Variants in GPC5 observed in about 807,000 individuals in gnomAD.
The protein encoded by GPC5 is glypican 5.
GPC5 carries 47 observed loss-of-function variants against 53.9 expected under a neutral mutation model. The observed-to-expected ratio is 0.87, with a 90% CI of 0.69 to 1.11. The LOEUF is 1.11. Ranked by LOEUF, GPC5 falls within the 50% of genes most tolerant of loss-of-function variation. GPC5 has a pLI of 0.00. For synonymous variants in GPC5, 286 were observed against 263.3 expected, an observed-to-expected ratio of 1.09 and a Z score of -0.84; for missense variants, 748 against 713.1, an observed-to-expected ratio of 1.05 and a Z score of -0.56.
intron 5 of GPC5, among the ~76,000 whole-genome samples, chr13:91,832,177 C>G (rs749743466): frequency 6.6e-6 from 1 of 151,866 alleles, no homozygotes; most frequent in Non-Finnish European, 1.5e-5. Flanking sequence ...GGATAGTTAG[C>G]TCTTCTTGTT....
rs531734191 is a variant in GPC5, at chr13:92,750,909, C to G, written c.1562-115373C>G. Among the ~76,000 whole-genome samples the G allele has an allele frequency of 1.1e-4, 17 of 152,214 alleles. No homozygotes were observed. In the South Asian group the frequency reaches 3.5e-3, roughly 32 times the overall value. ...CTTCAACAGTGCTATATCCATAACA[C>G]TCCCACACTAAAAGCATTTCTATAG... On this transcript the variant is annotated intron_variant, in intron 7 of 7. Transcript: ENST00000377067.
intron 5 of GPC5, among the ~76,000 whole-genome samples, chr13:91,880,163 C>G (rs760717156): frequency 6.6e-6 from 1 of 151,754 alleles, no homozygotes; most frequent in Non-Finnish European, 1.5e-5. Context: ...ATACATGCAA[C>G]CTATTTAACA....
At chr13:92,657,085 TA>T (rs974622787) in intron 7 of GPC5, among the ~76,000 whole-genome samples, 1 of 152,216 alleles carries the variant, frequency 6.6e-6, no homozygotes, top group Non-Finnish European at 1.5e-5. Context: ...AAGTAAATTT[TA>T]AAAATTAACA....
At chr13:92,080,791 A>G (rs1432329499) in intron 6 of GPC5, among the ~76,000 whole-genome samples, 2 of 152,342 alleles carry the variant, frequency 1.3e-5, no homozygotes, top group East Asian at 1.9e-4. Flanking sequence ...TATAAAATAC[A>G]AAGAAGTTTC....
chr13:92,357,625 C>A (rs2043533095), intron 7 of GPC5, among the ~76,000 whole-genome samples: 1 of 151,590 alleles, frequency 6.6e-6, no homozygotes, highest in Non-Finnish European at 1.5e-5. Context: ...TTAATTAGCT[C>A]ATGGTTCTGA....
At chr13:92,699,265 G>A (rs754655191) in intron 7 of GPC5, among the ~76,000 whole-genome samples, 2 of 152,094 alleles carry the variant, frequency 1.3e-5, no homozygotes, top group Non-Finnish European at 2.9e-5. Flanking sequence ...TGTTGGATTG[G>A]TGTTGATATC....
intron 7 of GPC5, among the ~76,000 whole-genome samples, chr13:92,205,528 C>T (rs181300577): frequency 9.2e-5 from 14 of 152,274 alleles, no homozygotes; most frequent in African/African-American, 2.6e-4. Flanking sequence ...AGGTTACTTT[C>T]TAGAAAGCGG....
intron 4 of GPC5, among the ~76,000 whole-genome samples, chr13:91,735,375 A>G (rs550968607): frequency 6.6e-6 from 1 of 151,118 alleles, no homozygotes; most frequent in South Asian, 2.1e-4. Context: ...CCTCACACTC[A>G]TTCTAAGTTC....
chr13:91,575,683 A>G (rs1224449290), intron 2 of GPC5, among the ~76,000 whole-genome samples: 1 of 152,134 alleles, frequency 6.6e-6, no homozygotes, highest in Non-Finnish European at 1.5e-5. Flanking sequence ...AAATTTCTTT[A>G]AAACTTTTTT....
intron 6 of GPC5, among the ~76,000 whole-genome samples, chr13:91,921,494 G>T (rs2139017737): frequency 6.6e-6 from 1 of 152,244 alleles, no homozygotes; most frequent in East Asian, 1.9e-4. Flanking sequence ...TACTTAGAAA[G>T]ATGTGACAGA....
chr13:91,868,229 A>T (rs2039105275), intron 5 of GPC5, among the ~76,000 whole-genome samples: 1 of 152,192 alleles, frequency 6.6e-6, no homozygotes, highest in South Asian at 2.1e-4. Flanking sequence ...CCTTTAGTGA[A>T]GAATTTAGGA....
chr13:91,960,558 C>G (rs993138812), intron 6 of GPC5, among the ~76,000 whole-genome samples: 2 of 151,826 alleles, frequency 1.3e-5, no homozygotes, highest in African/African-American at 4.8e-5. Flanking sequence ...AATAGAAAAA[C>G]AACTCTAAAA....
intron 6 of GPC5, among the ~76,000 whole-genome samples, chr13:92,099,657 A>G (rs753479449): frequency 2.7e-4 from 41 of 152,308 alleles, no homozygotes; most frequent in Admixed American, 2.6e-4. Flanking sequence ...ATAGATGAAT[A>G]TAGTATCAAC....
intron 7 of GPC5, chr13:92,484,654 C>T (rs1395146548): frequency 6.6e-6 from 1 of 152,136 alleles, no homozygotes; most frequent in Non-Finnish European, 1.5e-5. Flanking sequence ...TGATAAAAGG[C>T]TACTCTCTTT....
At chr13:92,675,837 G>A (rs1237248084) in intron 7 of GPC5, among the ~76,000 whole-genome samples, 1 of 152,014 alleles carries the variant, frequency 6.6e-6, no homozygotes, top group African/African-American at 2.4e-5. Context: ...AGGTGCTTCT[G>A]GAACTGTCCT....
rs144683011 is a variant in GPC5 at position 91,693,344 on chromosome 13, A to G, written c.483A>G (p.Glu161=). ...TTGGTGCGGATGTTAATCCTGAAGA[A>G]TTTGTAAACAGATTTTTTGACAGTC... The part of the protein sequence containing the change: ...YLFGADVNPE[E]FVNRFFDSLF... Residue 161 remains glutamate (E), a synonymous_variant, in exon 3 of 8, where the codon GAA becomes GAG. Coordinates refer to ENST00000377067, the MANE Select transcript of GPC5 (RefSeq NM_004466.6). 1,069 of 1,614,132 alleles carry G rather than the reference A, an allele frequency of 6.6e-4. 12 individuals carry two copies. In the African/African-American group the frequency reaches 0.013, roughly 19 times the overall value.
At chr13:92,336,880 GGT>G in intron 7 of GPC5, among the ~76,000 whole-genome samples, 1 of 152,136 alleles carries the variant, frequency 6.6e-6, no homozygotes, top group Non-Finnish European at 1.5e-5. Flanking sequence ...CACCCAGACT[GGT>G]CTTGAGCTCC....
intron 6 of GPC5, among the ~76,000 whole-genome samples, chr13:91,941,317 G>T (rs1394564925): frequency 3.3e-5 from 5 of 152,020 alleles, no homozygotes; most frequent in Non-Finnish European, 7.4e-5. Context: ...GCTTAGGATT[G>T]CTTTGGCTAT....
chr13:91,573,706 A>G (rs1594276821), intron 2 of GPC5, among the ~76,000 whole-genome samples: 2 of 152,174 alleles, frequency 1.3e-5, no homozygotes, highest in East Asian at 3.8e-4. Flanking sequence ...TATTATACAA[A>G]CATATTAAAA....
Sources: gnomAD v4.1 joint callset for allele counts (sites outside exome capture counted in the v4.1 genomes callset) on GRCh38, gnomAD v4.1.1 for gene constraint, MANE v1.5 for transcripts, NCBI Gene and HGNC (gene_info 2026-07-23, HGNC 2026-07-21) for gene names.